Variants in GFRA1 observed in about 807,000 individuals in gnomAD.
GFRA1 encodes GDNF family receptor alpha 1.
In GFRA1, 16 loss-of-function variants were observed where a neutral mutation model predicts 51.6. That is an observed-to-expected ratio of 0.31 (90% CI 0.21 to 0.47). The LOEUF (loss-of-function observed/expected upper bound fraction) is 0.47, where lower values mean the gene tolerates loss of function less well. Among genes scored for constraint, GFRA1 ranks in the 20% least tolerant of loss-of-function variants. The pLI, the probability that GFRA1 is intolerant of heterozygous loss-of-function variation, is 1.00. For missense variants in GFRA1, 530 were observed against 594.3 expected (o/e 0.89, Z 1.13); for synonymous variants, 270 against 241.3 (o/e 1.12, Z -1.10).
chr10:116,084,562 G>A (rs1956002847), intron 9 of GFRA1, among the ~76,000 whole-genome samples: 2 of 152,158 alleles, frequency 1.3e-5, no homozygotes, highest in Admixed American at 1.3e-4. Flanking sequence ...GAAGGCAGAG[G>A]CAGTGAAACC....
intron 5 of GFRA1, among the ~76,000 whole-genome samples, chr10:116,129,242 A>G (rs1958003923): frequency 1.3e-5 from 2 of 152,222 alleles, no homozygotes; most frequent in African/African-American, 4.8e-5. Context: ...AAAATAATAG[A>G]CTGATATTGC....
intron 5 of GFRA1, among the ~76,000 whole-genome samples, chr10:116,127,963 T>G (rs1957944170): frequency 6.6e-6 from 1 of 152,226 alleles, no homozygotes; most frequent in African/African-American, 2.4e-5. Flanking sequence ...GAATGGCACT[T>G]TATAATCTCT....
chr10:116,257,606 A>C (rs1467234191), intron 4 of GFRA1, among the ~76,000 whole-genome samples: 2 of 152,202 alleles, frequency 1.3e-5, no homozygotes, highest in African/African-American at 4.8e-5. Flanking sequence ...CACCCACAGC[A>C]GGTCTTATGT....
intron 5 of GFRA1, among the ~76,000 whole-genome samples, chr10:116,184,016 C>G (rs1030828526): frequency 5.9e-5 from 9 of 152,252 alleles, no homozygotes; most frequent in Non-Finnish European, 1.2e-4. Flanking sequence ...CTCCAGGGCA[C>G]TGGCTGCTGG....
At chr10:116,260,150 G>A (rs1044797050) in intron 4 of GFRA1, among the ~76,000 whole-genome samples, 2 of 152,190 alleles carry the variant, frequency 1.3e-5, no homozygotes, top group Non-Finnish European at 2.9e-5. Context: ...CGTGGATGGG[G>A]CGGACCCTTG....
At chr10:116,270,123 A>G (rs1476940417) in intron 3 of GFRA1, among the ~76,000 whole-genome samples, 1 of 152,196 alleles carries the variant, frequency 6.6e-6, no homozygotes, top group Non-Finnish European at 1.5e-5. Flanking sequence ...ATGAACACAC[A>G]AGATGTTTGC....
At chr10:116,250,495 A>C (rs1474450845) in intron 4 of GFRA1, among the ~76,000 whole-genome samples, 1 of 152,228 alleles carries the variant, frequency 6.6e-6, no homozygotes, top group Non-Finnish European at 1.5e-5. Context: ...TAAAAGAATG[A>C]GATAAATCAA....
chr10:116,198,322 C>A (rs143293889), intron 5 of GFRA1, among the ~76,000 whole-genome samples: 1 of 152,116 alleles, frequency 6.6e-6, no homozygotes, highest in Non-Finnish European at 1.5e-5. Flanking sequence ...TGAACTTTTG[C>A]GGGCTTATGA....
At chr10:116,149,993 G>A (rs933620722) in intron 5 of GFRA1, among the ~76,000 whole-genome samples, 1 of 152,132 alleles carries the variant, frequency 6.6e-6, no homozygotes, top group Non-Finnish European at 1.5e-5. Context: ...ATTAATATTT[G>A]CTGATGGCTT....
At position 116,058,378 on chromosome 10, in the gene GFRA1, C is replaced by G. The variant is rs748477764; in HGVS notation, c.*6020G>C. 1 of 152,236 alleles carries G rather than the reference C, an allele frequency of 6.6e-6. No homozygotes were observed. The highest frequency in any genetic ancestry group is 1.5e-5 in the Non-Finnish European group (1 of 68,126). 9.4% of individuals were successfully genotyped at this position (152,236 alleles called of 1,614,324 possible). On this transcript the variant is annotated 3_prime_UTR_variant, in exon 11 of 11. Coordinates refer to ENST00000355422, the MANE Select transcript of GFRA1 (RefSeq NM_005264.8). ...CTCCTATTCCCACCTGCACCATGGC[C>G]GGTACCTGACAGCTGTGACTTCCCC...
At chr10:116,112,976 T>C (rs989345612) in intron 6 of GFRA1, among the ~76,000 whole-genome samples, 1 of 152,176 alleles carries the variant, frequency 6.6e-6, no homozygotes, top group Non-Finnish European at 1.5e-5. Context: ...AGCCCAAGAT[T>C]ACTCTGGTCC....
At chr10:116,169,383 G>T (rs1960807998) in intron 5 of GFRA1, among the ~76,000 whole-genome samples, 1 of 152,236 alleles carries the variant, frequency 6.6e-6, no homozygotes, top group Non-Finnish European at 1.5e-5. Flanking sequence ...CCTGGCGAGG[G>T]CTCCACCCTC....
At chr10:116,067,951 T>C (rs1043806349) in intron 9 of GFRA1, among the ~76,000 whole-genome samples, 2 of 152,212 alleles carry the variant, frequency 1.3e-5, no homozygotes, top group Non-Finnish European at 2.9e-5. Context: ...GGGTATCCCA[T>C]TGGCCTCTGT....
intron 5 of GFRA1, among the ~76,000 whole-genome samples, chr10:116,192,971 G>A (rs1465297249): frequency 1.3e-5 from 2 of 152,038 alleles, no homozygotes; most frequent in Non-Finnish European, 1.5e-5. Flanking sequence ...AATCCCCACC[G>A]GCTTTGTACA....
At chr10:116,218,167 A>G (rs940418842) in intron 4 of GFRA1, among the ~76,000 whole-genome samples, 14 of 152,176 alleles carry the variant, frequency 9.2e-5, no homozygotes, top group African/African-American at 2.7e-4. Context: ...CCAGAAACCC[A>G]AGGCCTGACC....
At chr10:116,160,969 G>C (rs1458538592) in intron 5 of GFRA1, among the ~76,000 whole-genome samples, 2 of 152,212 alleles carry the variant, frequency 1.3e-5, no homozygotes, top group African/African-American at 2.4e-5. Context: ...GCAGAAACCA[G>C]GACATACTCC....
At chr10:116,244,912 C>T (rs992684283) in intron 4 of GFRA1, among the ~76,000 whole-genome samples, 2 of 152,010 alleles carry the variant, frequency 1.3e-5, no homozygotes, top group African/African-American at 4.8e-5. Flanking sequence ...CACCTAAATA[C>T]CAGTGAAATC....
chr10:116,233,135 T>TG (rs966404211), intron 4 of GFRA1, among the ~76,000 whole-genome samples: 11 of 149,116 alleles, frequency 7.4e-5, no homozygotes, highest in African/African-American at 2.9e-4. Flanking sequence ...GAGACCAGCC[T>TG]GGTCAACATG....
chr10:116,228,697 G>A (rs1387822249), intron 4 of GFRA1, among the ~76,000 whole-genome samples: 1 of 151,954 alleles, frequency 6.6e-6, no homozygotes, highest in Non-Finnish European at 1.5e-5. Flanking sequence ...AGAAAGGCAG[G>A]TGGGGCCGGG....
Sources: gnomAD v4.1 joint callset for allele counts (sites outside exome capture counted in the v4.1 genomes callset) on GRCh38, gnomAD v4.1.1 for gene constraint, MANE v1.5 for transcripts, NCBI Gene and HGNC (gene_info 2026-07-23, HGNC 2026-07-21) for gene names.